STXBP2: variants seen among roughly 807,000 people sequenced by gnomAD.
STXBP2 encodes syntaxin binding protein 2.
STXBP2 carries 47 observed loss-of-function variants against 72.2 expected under a neutral mutation model. The ratio of observed to expected loss-of-function variants is 0.65; its 90% CI spans 0.51 to 0.83. The LOEUF (loss-of-function observed/expected upper bound fraction) is 0.83, where lower values mean the gene tolerates loss of function less well. STXBP2 is among the 40% of genes least tolerant of loss of function. The pLI is 0.00. For missense variants in STXBP2, 702 were observed against 807.6 expected (o/e 0.87, Z 1.58); for synonymous variants, 367 against 338.7 (o/e 1.08, Z -0.92).
Position 7,641,869 on chromosome 19 carries a change from A to G in STXBP2, c.578+16A>G. The G allele has an allele frequency of 2.5e-6, 1 of 394,496 alleles. No individual in the cohort carries two copies. The highest frequency in any genetic ancestry group is 3.9e-6 in the Non-Finnish European group (1 of 257,394). 24.4% of individuals were successfully genotyped at this position (394,496 alleles called of 1,614,324 possible). A position where few individuals can be genotyped will look rare whatever the true frequency, so the allele number is the denominator to read the frequency against. On this transcript the variant is annotated intron_variant, in intron 7 of 18. Coordinates refer to ENST00000221283, the MANE Select transcript of STXBP2 (RefSeq NM_006949.4). ...GCTACCGCAAGTGGGGACCCCACCC[A>G]GCCCCACCCCGATGCCGACCCCCCC...
chr19:7,644,161 G>A (rs2032031345), intron 13 of STXBP2, among the ~76,000 whole-genome samples: 1 of 127,328 alleles, frequency 7.9e-6, no homozygotes, highest in African/African-American at 3.2e-5. Flanking sequence ...TTGGAGAGGT[G>A]GGACCTGGGT....
At chr19:7,643,086 C>T (rs1290370922) in intron 12 of STXBP2, 38 bp downstream of exon 12, 2 of 1,614,020 alleles carry the variant, frequency 1.2e-6, no homozygotes, top group Non-Finnish European at 1.7e-6. Context: ...ACACCTCGGC[C>T]CCTCAACCCC....
At chr19:7,646,059 C>G in intron 15 of STXBP2, 190 bp from the exon 16 acceptor site, 1 of 605,118 alleles carries the variant, frequency 1.7e-6, no homozygotes, top group Non-Finnish European at 3.0e-6. Context: ...GGCTTTCTCT[C>G]TCCGTCTCTC....
upstream of STXBP2, chr19:7,637,022 C>G (rs866049429): frequency 2.8e-6 from 3 of 1,063,542 alleles, no homozygotes; most frequent in Non-Finnish European, 3.6e-6. Context: ...GAACCGACGG[C>G]GGGGAGGGGC....
rs542557411 is a variant in STXBP2, at chr19:7,646,285, C to T, written c.1393C>T (p.Arg465Cys). 6.0e-5 allele frequency: 96 copies of T among 1,611,300 alleles called. No homozygotes were observed. The highest frequency in any genetic ancestry group is 5.0e-4 in the Admixed American group (30 of 59,528). ...GTSSRLEPRE[R>C]MEPTYQLSRW... is the part of the protein sequence containing the mutation. ...CTCCAGCCGGCTGGAGCCGAGAGAACGCATGGAGCCCACCTATCAGCTGTC... is the reference window on the plus strand; with the variant it reads ...CTCCAGCCGGCTGGAGCCGAGAGAATGCATGGAGCCCACCTATCAGCTGTC... Residue 465 changes from arginine (R) to cysteine (C), a missense_variant, in exon 16 of 19, where the codon CGC becomes TGC. Transcript: ENST00000221283.
chr19:7,632,264 C>T (rs879225915), upstream of STXBP2: 6 of 1,408,802 alleles, frequency 4.3e-6, no homozygotes, highest in South Asian at 7.8e-5. This position sits in a 1 kb window ranked among gnomAD's most constrained non-coding sequence, Gnocchi z 5.2. Flanking sequence ...TTGGTCCTCC[C>T]ATCTGAAGTC....
upstream of STXBP2, among the ~76,000 whole-genome samples, chr19:7,635,669 C>T (rs1210938848): frequency 3.3e-5 from 5 of 152,128 alleles, no homozygotes; most frequent in Non-Finnish European, 7.3e-5. Context: ...GCCCTCCAGC[C>T]TGAGCAACAG....
In STXBP2 at chr19:7,642,567, C is replaced by T. The variant is rs758094583; in HGVS notation, c.902+31C>T. 6.2e-7 allele frequency: 1 copy of T among 1,609,270 alleles called. No individual in the cohort carries two copies. On this transcript the variant is annotated intron_variant, in intron 10 of 18. Coordinates refer to ENST00000221283, the MANE Select transcript of STXBP2 (RefSeq NM_006949.4). This position sits in a 1 kb window ranked among gnomAD's most constrained non-coding sequence, Gnocchi z 6.0. Reference sequence around the variant, plus strand: ...TGCACACGGGGACCGGATCCCCCCCCCACCGCCCACTGTGGGCCTGGTAGC... The same window carrying T: ...TGCACACGGGGACCGGATCCCCCCCTCACCGCCCACTGTGGGCCTGGTAGC...
At chr19:7,639,179 T>G (rs1394418444) in intron 3 of STXBP2, 79 bp downstream of exon 3, 3 of 1,464,316 alleles carry the variant, frequency 2.0e-6, no homozygotes, top group Admixed American at 1.9e-5. Flanking sequence ...GGTTCAGCCC[T>G]TGAGTGTAGG....
upstream of STXBP2, among the ~76,000 whole-genome samples, chr19:7,635,089 G>A (rs2031473418): frequency 6.6e-6 from 1 of 152,232 alleles, no homozygotes; most frequent in Non-Finnish European, 1.5e-5. Context: ...TTGGGGATTA[G>A]TACTTCATAT....
chr19:7,639,703 C>T (rs1412942316), intron 3 of STXBP2, 28 bp from the exon 4 acceptor site: 1 of 1,610,116 alleles, frequency 6.2e-7, no homozygotes, highest in African/African-American at 1.3e-5. Flanking sequence ...ATGCCACCCA[C>T]CTGTGTCCCT....
At chr19:7,645,623 C>T (rs1031598068) in intron 15 of STXBP2, among the ~76,000 whole-genome samples, 1 of 151,790 alleles carries the variant, frequency 6.6e-6, no homozygotes, top group Non-Finnish European at 1.5e-5. Flanking sequence ...GGGGGCTACA[C>T]CACATTGTCT....
At chr19:7,645,524 AC>A (rs969816650) in intron 15 of STXBP2, 46 of 563,366 alleles carry the variant, frequency 8.2e-5, no homozygotes, top group African/African-American at 7.5e-4. Flanking sequence ...GGGAAGTGAG[AC>A]ATGGTCGCTG....
At chr19:7,631,640 C>T in the STXBP2 span, 12 of 1,455,526 alleles carry the variant, frequency 8.2e-6, no homozygotes, top group South Asian at 1.3e-4. Flanking sequence ...GTGTTTTATT[C>T]TTTTATCAGT....
At chr19:7,647,094 T>TG in intron 16 of STXBP2, 68 bp from the exon 17 acceptor site, 2 of 1,542,138 alleles carry the variant, frequency 1.3e-6, no homozygotes, top group Non-Finnish European at 1.8e-6. Flanking sequence ...GAATACCCCG[T>TG]GGGGGGCACT....
rs1417576091 is a variant in STXBP2 at position 7,646,329 on chromosome 19, C to T, written c.1437C>T (p.Ile479=). Residue 479 remains isoleucine (I), a synonymous_variant, in exon 16 of 19, where the codon ATC becomes ATT. Transcript: ENST00000221283. Reference sequence around the variant, plus strand: ...AGCTGTCCCGCTGGACCCCGGTCATCAAGGATGTAATGGAGGTACTGGGTG... The same window carrying T: ...AGCTGTCCCGCTGGACCCCGGTCATTAAGGATGTAATGGAGGTACTGGGTG... ...TYQLSRWTPV[I]KDVMEDAVED... 6.2e-7 allele frequency: 1 copy of T among 1,609,476 alleles called. No homozygotes were observed. The highest frequency in any genetic ancestry group is 1.7e-5 in the Admixed American group (1 of 59,082).
chr19:7,631,710 C>T, the STXBP2 span: 2 of 1,447,624 alleles, frequency 1.4e-6, no homozygotes, highest in Non-Finnish European at 1.8e-6. Flanking sequence ...GTGTCGGGGG[C>T]TGGGGGCTGC....
At chr19:7,644,473 G>A (rs1025711290) in intron 13 of STXBP2, 141 bp from the exon 14 acceptor site, 36 of 1,144,964 alleles carry the variant, frequency 3.1e-5, no homozygotes, top group Admixed American at 6.2e-5. Context: ...ACAGGGGTGG[G>A]ACCTTGAGAG....
In STXBP2 at chr19:7,647,176, C is replaced by T. The variant is rs2032169303; in HGVS notation, c.1467C>T (p.Asp489=). Residue 489 remains aspartate (D), a synonymous_variant, in exon 17 of 19, where the codon GAC becomes GAT. Coordinates refer to ENST00000221283, the MANE Select transcript of STXBP2 (RefSeq NM_006949.4). The part of the protein sequence containing the change: ...IKDVMEDAVE[D]RLDRNLWPFV... Reference sequence around the variant, plus strand: ...TCGGCCGCCAGGACGCCGTGGAGGACCGGCTGGACAGGAACCTGTGGCCCT... The same window carrying T: ...TCGGCCGCCAGGACGCCGTGGAGGATCGGCTGGACAGGAACCTGTGGCCCT... The T allele has an allele frequency of 1.2e-6, 2 of 1,611,854 alleles. No homozygotes were observed. The highest frequency in any genetic ancestry group is 2.2e-5 in the South Asian group (2 of 91,070).
Sources: gnomAD v4.1 joint callset for allele counts (sites outside exome capture counted in the v4.1 genomes callset) on GRCh38, gnomAD v4.1.1 for gene constraint, Gnocchi (gnomAD v3.1) non-coding constraint, MANE v1.5 for transcripts, NCBI Gene and HGNC (gene_info 2026-07-23, HGNC 2026-07-21) for gene names.